DPY19L1: variants seen among roughly 807,000 people sequenced by gnomAD.
DPY19L1 encodes the protein protein C-mannosyl-transferase DPY19L1.
DPY19L1 carries 35 observed loss-of-function variants against 96.9 expected under a neutral mutation model. The observed-to-expected ratio is 0.36, with a 90% confidence interval of 0.28 to 0.48. DPY19L1 has a LOEUF of 0.48. DPY19L1 is among the 20% of genes least tolerant of loss of function. The pLI is 0.99. For missense variants in DPY19L1, 521 were observed against 777.9 expected (o/e 0.67, Z 3.93); for synonymous variants, 205 against 252.6 (o/e 0.81, Z 1.79).
chr7:35,033,258 T>G (rs560540836), intron 1 of DPY19L1, among the ~76,000 whole-genome samples: 1 of 152,338 alleles, frequency 6.6e-6, no homozygotes, highest in African/African-American at 2.4e-5. Flanking sequence ...CCAGAGACCT[T>G]TCCTGACCCT....
At chr7:35,022,276 T>A (rs1786013198) in intron 1 of DPY19L1, among the ~76,000 whole-genome samples, 1 of 152,198 alleles carries the variant, frequency 6.6e-6, no homozygotes, top group Non-Finnish European at 1.5e-5. Flanking sequence ...AATATATTTT[T>A]AAAAAATCCA....
chr7:34,952,128 A>C (rs112561385), intron 13 of DPY19L1, among the ~76,000 whole-genome samples: 37,615 of 138,596 alleles, frequency 0.27, 5,127 homozygotes, highest in Non-Finnish European at 0.32. Flanking sequence ...AAAAAAGACC[A>C]CAAAAAAAAA....
At chr7:34,939,399 A>C in intron 19 of DPY19L1, 24 bp from the exon 20 acceptor site, 5 of 1,604,446 alleles carry the variant, frequency 3.1e-6, no homozygotes, top group Non-Finnish European at 4.3e-6. Flanking sequence ...GGAATGTCTC[A>C]GGAAGACACT....
intron 7 of DPY19L1, among the ~76,000 whole-genome samples, chr7:34,985,588 T>C (rs1354506980): frequency 6.6e-6 from 1 of 151,806 alleles, no homozygotes; most frequent in Admixed American, 6.6e-5. Context: ...GCTCAGCTTC[T>C]CAAACCATAG....
In DPY19L1 at chr7:34,940,136, C is replaced by G; in HGVS notation, c.1864+17G>C. The G allele has an allele frequency of 1.6e-6, 2 of 1,258,208 alleles. No homozygotes were observed. The highest frequency in any genetic ancestry group is 2.9e-5 in the East Asian group (1 of 33,978). The allele number at this position is 1,258,208 out of a possible 1,614,324, so 77.9% of individuals were successfully genotyped here. A position where few individuals can be genotyped will look rare whatever the true frequency, so the allele number is the denominator to read the frequency against. On this transcript the variant is annotated intron_variant, in intron 19 of 21. Transcript: ENST00000638088. ...AGCTAAATAATATGACTTTTTTTTTCTTTTTTTTTTTTTTACCTGGTTTAG... is the reference window on the plus strand; with the variant it reads ...AGCTAAATAATATGACTTTTTTTTTGTTTTTTTTTTTTTTACCTGGTTTAG...
intron 7 of DPY19L1, among the ~76,000 whole-genome samples, chr7:34,983,678 A>G (rs1191814525): frequency 4.6e-5 from 7 of 151,656 alleles, no homozygotes; most frequent in African/African-American, 1.7e-4. Flanking sequence ...ATAGAGAGAA[A>G]AAAAAAAATG....
At chr7:35,004,419 A>G (rs1372708092) in intron 6 of DPY19L1, among the ~76,000 whole-genome samples, 1 of 152,254 alleles carries the variant, frequency 6.6e-6, no homozygotes, top group Non-Finnish European at 1.5e-5. Flanking sequence ...TGGCACAATC[A>G]TAAAGAAAAA....
intron 8 of DPY19L1, 149 bp from the exon 9 acceptor site, chr7:34,969,681 C>A (rs1364463403): frequency 2.1e-5 from 9 of 432,976 alleles, no homozygotes; most frequent in Admixed American, 4.4e-5. Context: ...AGAAATTATA[C>A]CTCCTGATAC....
chr7:34,936,003 GA>G (rs1160968897), intron 21 of DPY19L1, among the ~76,000 whole-genome samples: 1 of 152,012 alleles, frequency 6.6e-6, no homozygotes, highest in African/African-American at 2.4e-5. Context: ...AATGAGTGGG[GA>G]AAACAGATGA....
intron 1 of DPY19L1, among the ~76,000 whole-genome samples, chr7:35,027,026 C>G (rs766101173): frequency 1.3e-5 from 2 of 152,026 alleles, no homozygotes; most frequent in Non-Finnish European, 2.9e-5. Context: ...GAAACCCCAT[C>G]TCTACTAAAA....
intron 4 of DPY19L1, among the ~76,000 whole-genome samples, chr7:35,012,622 T>C (rs1785739191): frequency 6.6e-6 from 1 of 151,728 alleles, no homozygotes; most frequent in Non-Finnish European, 1.5e-5. Flanking sequence ...CAAAACCAAT[T>C]CCAGATAAAT....
chr7:34,957,405 A>C lies in DPY19L1; in HGVS notation c.1179+579T>G, dbSNP rs149478108. The stretch of plus-strand genomic sequence containing the variant: ...AAACAAAACAAAACAAACAAACAAA[A>C]AAACAAAGTCATCCTGCCATATGTA... On this transcript the variant is annotated intron_variant, in intron 11 of 21. Transcript: ENST00000638088. Among the ~76,000 whole-genome samples the C allele has an allele frequency of 3.0e-3, 456 of 151,730 alleles. 2 individuals are homozygous for C. Among genetic ancestry groups the C allele is most frequent in the African/African-American group, 9.0e-3 (371 of 41,360 alleles).
At chr7:34,945,546 A>G (rs1443788070) in intron 16 of DPY19L1, 121 bp downstream of exon 16, 2 of 724,644 alleles carry the variant, frequency 2.8e-6, no homozygotes, top group Non-Finnish European at 4.6e-6. Flanking sequence ...AAATGACCAC[A>G]ATAAAAACAT....
At chr7:35,021,398 C>G (rs1442122496) in intron 1 of DPY19L1, among the ~76,000 whole-genome samples, 1 of 152,062 alleles carries the variant, frequency 6.6e-6, no homozygotes, top group Non-Finnish European at 1.5e-5. Flanking sequence ...TACACAAGGA[C>G]AACACTTGGA....
intron 6 of DPY19L1, among the ~76,000 whole-genome samples, chr7:34,992,639 T>C (rs1584242317): frequency 6.6e-6 from 1 of 150,798 alleles, no homozygotes; most frequent in African/African-American, 2.4e-5. Flanking sequence ...CTCGAACTCA[T>C]GGGATCCAGC....
intron 13 of DPY19L1, among the ~76,000 whole-genome samples, chr7:34,951,074 A>G (rs1403696852): frequency 2.0e-5 from 3 of 152,152 alleles, no homozygotes; most frequent in Non-Finnish European, 4.4e-5. Context: ...AAAAGAGACA[A>G]TAAATATTAT....
rs1303474722 is a variant in DPY19L1 at position 35,017,954 on chromosome 7, G to A, written c.339C>T (p.His113=). The A allele has an allele frequency of 7.5e-6, 12 of 1,605,476 alleles. No homozygotes were observed. Among genetic ancestry groups the A allele is most frequent in the Non-Finnish European group, 1.0e-5 (12 of 1,175,470 alleles). The change falls in exon 3 of 22, where the codon CAC becomes CAT. Residue 113 remains histidine, a synonymous_variant. Transcript: ENST00000638088. ...AAAAATGACGGTCATTTTCAAAGAG[G>A]TGTGTTATATGGCTCCTGGAAAAAC... ...AAVLHWSHIT[H]LFENDRHFSH...
intron 4 of DPY19L1, among the ~76,000 whole-genome samples, chr7:35,012,982 C>T (rs1785751232): frequency 6.6e-6 from 1 of 152,032 alleles, no homozygotes. Context: ...GAATGAAATA[C>T]ATCACGTGAC....
intron 1 of DPY19L1, among the ~76,000 whole-genome samples, chr7:35,022,926 C>T (rs528526939): frequency 1.3e-5 from 2 of 152,158 alleles, no homozygotes; most frequent in African/African-American, 4.8e-5. Flanking sequence ...TTGGTGCTGG[C>T]GGCTGGGCGG....
Sources: allele counts gnomAD v4.1 joint callset (sites outside exome capture counted in the v4.1 genomes callset), GRCh38; gene constraint gnomAD v4.1.1; transcripts MANE v1.5; gene names NCBI Gene and HGNC (gene_info 2026-07-23, HGNC 2026-07-21).